The following WSB2 variants were observed in gnomAD, a reference collection of about 807,000 sequenced individuals.
WSB2 encodes WD repeat and SOCS box-containing protein 2.
Under a neutral mutation model 48.8 loss-of-function variants are expected in WSB2, and 12 were observed. The observed-to-expected ratio is 0.25, with a 90% CI of 0.16 to 0.40. WSB2 has a LOEUF of 0.40. Ranked by LOEUF, WSB2 falls within the 10% of genes least tolerant of loss-of-function variation. WSB2 has a pLI of 1.00. For missense variants in WSB2, 317 were observed against 506.2 expected, an observed-to-expected ratio of 0.63 and a Z score of 3.59; for synonymous variants, 191 against 203.1, an observed-to-expected ratio of 0.94 and a Z score of 0.51.
chr12:118,048,099 A>C (rs565782215), intron 2 of WSB2, among the ~76,000 whole-genome samples: 1 of 152,140 alleles, frequency 6.6e-6, no homozygotes, highest in South Asian at 2.1e-4. Context: ...GCTAATTTTT[A>C]AAACTTTTTT....
intron 2 of WSB2, among the ~76,000 whole-genome samples, chr12:118,051,987 A>T (rs1446531151): frequency 6.6e-6 from 1 of 152,196 alleles, no homozygotes; most frequent in Admixed American, 6.5e-5. Context: ...ATAAATAAAT[A>T]AAGTAAGACT....
At chr12:118,041,025 G>T (rs1478075221) in intron 4 of WSB2, among the ~76,000 whole-genome samples, 1 of 152,204 alleles carries the variant, frequency 6.6e-6, no homozygotes, top group South Asian at 2.1e-4. Context: ...CTCCAGCCTG[G>T]GTGACACAGT....
intron 5 of WSB2, 68 bp from the exon 6 acceptor site, chr12:118,036,578 A>G: frequency 6.7e-7 from 1 of 1,496,130 alleles, no homozygotes; most frequent in Non-Finnish European, 9.0e-7. Context: ...GGAGGGAGGG[A>G]AAGGTACCAC....
At position 118,033,990 on chromosome 12, in the gene WSB2, A is replaced by C; in HGVS notation, c.*206T>G. 1.6e-6 allele frequency: 1 copy of C among 644,654 alleles called. No individual in the cohort carries two copies. 39.9% of individuals were successfully genotyped at this position (644,654 alleles called of 1,614,324 possible). A position where few individuals can be genotyped will look rare whatever the true frequency, so the allele number is the denominator to read the frequency against. ...AAGGCTCTGTTGCCGTGCAAGTGGA[A>C]TCTCTTCCTCTAAGACTGACTTTCA... On this transcript the variant is annotated 3_prime_UTR_variant, in exon 9 of 9. Transcript: ENST00000315436.
chr12:118,036,290 C>T lies in WSB2; in HGVS notation c.833+48G>A, dbSNP rs543600492. Reference sequence around the variant, plus strand: ...GACATGTCTAATCCCAGGCAGGTTCCTCATCAGTCCCCCCACAAAAAAGTC... The same window carrying T: ...GACATGTCTAATCCCAGGCAGGTTCTTCATCAGTCCCCCCACAAAAAAGTC... On this transcript the variant is annotated intron_variant, in intron 6 of 8. Coordinates refer to ENST00000315436, the MANE Select transcript of WSB2 (RefSeq NM_018639.5). 3.3e-5 allele frequency: 53 copies of T among 1,585,508 alleles called. 2 individuals are homozygous for T. In the South Asian group the frequency reaches 5.6e-4, roughly 17 times the overall value.
At chr12:118,052,803 G>A (rs544857698) in intron 1 of WSB2, among the ~76,000 whole-genome samples, 3 of 152,266 alleles carry the variant, frequency 2.0e-5, no homozygotes, top group South Asian at 2.1e-4. Context: ...TATGCTAGAC[G>A]GTGCTGATTA....
Position 118,034,243 on chromosome 12 carries a change from G to C in WSB2, c.1168C>G (p.Pro390Ala), listed in dbSNP as rs1329935548. ...AACTCTTTCATTTTCTTGGGGATTG[G>C]CAGTGCTAGGACTTGGTAAGTTGTT... The part of the protein sequence containing the change: ...FLTTYQVLAL[P>A]IPKKMKEFLT... Residue 390 changes from proline (P) to alanine (A), a missense_variant, in exon 9 of 9, where the codon CCA (proline) becomes GCA (alanine). Around this residue, in one of 2 missense-constraint regions of WSB2, gnomAD observed 189 missense variants for 349.6 expected, o/e 0.54. Coordinates refer to ENST00000315436, the MANE Select transcript of WSB2 (RefSeq NM_018639.5). 94 of 1,614,094 alleles carry C rather than the reference G, an allele frequency of 5.8e-5. No individual in the cohort carries two copies. The highest frequency in any genetic ancestry group is 7.9e-5 in the Non-Finnish European group (93 of 1,180,046).
chr12:118,058,424 T>C (rs944548040), intron 1 of WSB2, among the ~76,000 whole-genome samples: 3 of 152,112 alleles, frequency 2.0e-5, no homozygotes, highest in African/African-American at 7.2e-5. Flanking sequence ...CACGGCTCAC[T>C]GCAACCTCGA....
intron 5 of WSB2, among the ~76,000 whole-genome samples, chr12:118,036,875 AT>A (rs767125850): frequency 6.6e-6 from 1 of 152,208 alleles, no homozygotes; most frequent in Non-Finnish European, 1.5e-5. Flanking sequence ...GTGCTATCTT[AT>A]TCCACTTAAA....
chr12:118,042,792 C>A (rs370058374), intron 4 of WSB2, 49 bp downstream of exon 4: 6 of 1,592,960 alleles, frequency 3.8e-6, no homozygotes, highest in African/African-American at 1.3e-5. Context: ...GTGGAGAAAG[C>A]AAATACAGTA....
rs939049016 is a variant in WSB2, at chr12:118,043,047, G to C, written c.428-75C>G. The stretch of plus-strand genomic sequence containing the variant: ...GTGCCTGCCACGGCCACACCCCTTG[G>C]CCAACGTGAGTGGGGCAGGGAGGCG... On this transcript the variant is annotated intron_variant, in intron 3 of 8. Transcript: ENST00000315436. The C allele has an allele frequency of 3.1e-6, 5 of 1,613,420 alleles. No individual in the cohort carries two copies. The African/African-American group carries it at 4.0e-5, about 13-fold the overall frequency.
chr12:118,037,305 C>T (rs1313859968), intron 5 of WSB2, among the ~76,000 whole-genome samples: 1 of 152,192 alleles, frequency 6.6e-6, no homozygotes, highest in Non-Finnish European at 1.5e-5. Context: ...AAGACTGGGC[C>T]TCTGACCTAG....
chr12:118,058,232 G>A (rs533342585), intron 1 of WSB2, among the ~76,000 whole-genome samples: 2 of 152,216 alleles, frequency 1.3e-5, no homozygotes, highest in East Asian at 1.9e-4. Context: ...ATATTCCACC[G>A]GCCTCAAAAG....
At chr12:118,048,620 TA>T (rs1453354694) in intron 2 of WSB2, among the ~76,000 whole-genome samples, 2 of 151,792 alleles carry the variant, frequency 1.3e-5, no homozygotes, top group African/African-American at 2.4e-5. Flanking sequence ...CCAAAACCAG[TA>T]ACTTCTCACT....
chr12:118,036,283 C>T, intron 6 of WSB2, 55 bp downstream of exon 6: 1 of 1,569,374 alleles, frequency 6.4e-7, no homozygotes, highest in Non-Finnish European at 8.7e-7. Context: ...TAATCCCAGG[C>T]AGGTTCCTCA....
At chr12:118,044,775 A>G (rs1045015080) in intron 2 of WSB2, among the ~76,000 whole-genome samples, 3 of 152,120 alleles carry the variant, frequency 2.0e-5, no homozygotes, top group Admixed American at 6.6e-5. Context: ...GCCTGAAAAC[A>G]TGAAGCTTAC....
chr12:118,051,918 G>A (rs536065958), intron 2 of WSB2, among the ~76,000 whole-genome samples: 4 of 152,298 alleles, frequency 2.6e-5, no homozygotes, highest in Non-Finnish European at 4.4e-5. Flanking sequence ...AGGTTGTAGT[G>A]AGCCAAGATT....
chr12:118,051,587 T>C (rs1181397474), intron 2 of WSB2, among the ~76,000 whole-genome samples: 1 of 152,130 alleles, frequency 6.6e-6, no homozygotes. Flanking sequence ...CAAAGTAGAT[T>C]AGTGGTTGCC....
chr12:118,061,121 C>A lies in WSB2; in HGVS notation c.-73G>T. 1 of 980,730 alleles carries A rather than the reference C, an allele frequency of 1.0e-6. No individual in the cohort carries two copies. The highest frequency in any genetic ancestry group is 4.6e-5 in the South Asian group (1 of 21,884). 60.8% of individuals were successfully genotyped at this position (980,730 alleles called of 1,614,324 possible). Reference sequence around the variant, plus strand: ...CCGGGCCGCGGGCCCTCATGCCGCCCCCGCGCCGCCCGCCCCGGCCAGGCC... The same window carrying A: ...CCGGGCCGCGGGCCCTCATGCCGCCACCGCGCCGCCCGCCCCGGCCAGGCC... On this transcript the variant is annotated 5_prime_UTR_variant, in exon 1 of 9. Coordinates refer to ENST00000315436, the MANE Select transcript of WSB2 (RefSeq NM_018639.5).
Sources: gnomAD v4.1 joint callset for allele counts (sites outside exome capture counted in the v4.1 genomes callset) on GRCh38, gnomAD v4.1.1 for gene constraint, gnomAD v4.1.1 regional missense constraint, MANE v1.5 for transcripts, NCBI Gene and HGNC (gene_info 2026-07-23, HGNC 2026-07-21) for gene names.